DNAH6: variants seen among roughly 807,000 people sequenced by gnomAD.
The protein encoded by DNAH6 is dynein axonemal heavy chain 6.
DNAH6 carries 340 observed loss-of-function variants against 491.4 expected under a neutral mutation model. The ratio of observed to expected loss-of-function variants is 0.69; its 90% confidence interval spans 0.63 to 0.76. The LOEUF is 0.76. DNAH6 is among the 30% of genes least tolerant of loss of function. The probability of loss-of-function intolerance (pLI) is 0.00; values close to 1 mark genes in which losing one functional copy is unlikely to be tolerated. For synonymous variants in DNAH6, 1,603 were observed against 1,686.1 expected (o/e 0.95, Z 1.21); for missense variants, 4,443 against 4,972.2 (o/e 0.89, Z 3.20).
intron 29 of DNAH6, among the ~76,000 whole-genome samples, chr2:84,633,892 C>T (rs1292356268): frequency 2.0e-5 from 3 of 152,000 alleles, no homozygotes; most frequent in Non-Finnish European, 4.4e-5. Flanking sequence ...AATTTAAAAC[C>T]ACTAGTTCTA....
At chr2:84,741,898 A>G (rs1259564328) in intron 62 of DNAH6, among the ~76,000 whole-genome samples, 1 of 152,224 alleles carries the variant, frequency 6.6e-6, no homozygotes, top group African/African-American at 2.4e-5. Context: ...CCTGTAGCCA[A>G]GATCTTAAAA....
intron 52 of DNAH6, 73 bp from the exon 53 acceptor site, chr2:84,706,823 A>T (rs1696500775): frequency 2.7e-6 from 4 of 1,463,582 alleles, no homozygotes; most frequent in Middle Eastern, 4.1e-4. Flanking sequence ...AATTTTTTTT[A>T]GATCTGTATT....
intron 46 of DNAH6, 108 bp downstream of exon 46, chr2:84,694,588 T>C (rs1186865859): frequency 2.7e-6 from 2 of 728,842 alleles, no homozygotes; most frequent in African/African-American, 3.6e-5. Context: ...ATTGTTCCCT[T>C]TGATAACAGA....
At chr2:84,565,926 T>C (rs748449871) in intron 11 of DNAH6, among the ~76,000 whole-genome samples, 1 of 152,008 alleles carries the variant, frequency 6.6e-6, no homozygotes, top group Non-Finnish European at 1.5e-5. Context: ...CTGCTCTTTT[T>C]AGTTTTCCAT....
At chr2:84,638,350 A>C (rs947494415) in intron 31 of DNAH6, among the ~76,000 whole-genome samples, 4 of 152,082 alleles carry the variant, frequency 2.6e-5, no homozygotes, top group Admixed American at 2.6e-4. Flanking sequence ...TTATTGAGGT[A>C]TAATTTATAC....
chr2:84,471,578 C>T, the DNAH6 span, among the ~76,000 whole-genome samples: 6 of 152,024 alleles, frequency 3.9e-5, no homozygotes, highest in South Asian at 4.2e-4. Context: ...TGACTCTGGT[C>T]GGTCCTCATT....
chr2:84,679,023 G>A (rs1399889016), intron 41 of DNAH6, among the ~76,000 whole-genome samples: 2 of 152,074 alleles, frequency 1.3e-5, no homozygotes, highest in Non-Finnish European at 1.5e-5. Flanking sequence ...CGTCTGTCCT[G>A]TCCTTCATTA....
At chr2:84,670,607 C>A (rs1692637829) in intron 39 of DNAH6, 132 bp downstream of exon 39, 2 of 705,304 alleles carry the variant, frequency 2.8e-6, no homozygotes, top group Non-Finnish European at 2.3e-6. Flanking sequence ...TGATTCTGTT[C>A]ATGGCATTTT....
At chr2:84,607,736 C>G (rs905925800) in intron 21 of DNAH6, among the ~76,000 whole-genome samples, 1 of 152,124 alleles carries the variant, frequency 6.6e-6, no homozygotes, top group Non-Finnish European at 1.5e-5. Flanking sequence ...ATTATCTGAG[C>G]CTTCAGTGAC....
chr2:84,502,335 CCT>C, the DNAH6 span, among the ~76,000 whole-genome samples: 2 of 152,056 alleles, frequency 1.3e-5, no homozygotes, highest in Admixed American at 1.3e-4. Flanking sequence ...GTCCAAAATT[CCT>C]CCTGTTATTA....
chr2:84,600,332 G>A (rs1336221338), intron 18 of DNAH6, among the ~76,000 whole-genome samples: 4 of 152,116 alleles, frequency 2.6e-5, no homozygotes, highest in Non-Finnish European at 2.9e-5. Context: ...TATTACATTA[G>A]TATAATACAT....
chr2:84,492,394 A>C, the DNAH6 span, among the ~76,000 whole-genome samples: 1 of 152,160 alleles, frequency 6.6e-6, no homozygotes, highest in Non-Finnish European at 1.5e-5. Context: ...ACTGTCAACC[A>C]ACCCCCTTGT....
chr2:84,592,062 A>G (rs1389906102), intron 16 of DNAH6, among the ~76,000 whole-genome samples: 1 of 152,184 alleles, frequency 6.6e-6, no homozygotes, highest in African/African-American at 2.4e-5. Context: ...CCAAAAACCA[A>G]TGTAACAAAA....
rs1213868023 is a variant in DNAH6, at chr2:84,677,138, T to C, written c.6744+2T>C. 6.4e-7 allele frequency: 1 copy of C among 1,551,566 alleles called. No homozygotes were observed. The highest frequency in any genetic ancestry group is 2.0e-5 in the Admixed American group (1 of 51,002). ...CACAGTCTGAAACAGATTTTTCAGG[T>C]GAGTGTCGATTTTAACTTAGGCAAC... On this transcript the variant is annotated splice_donor_variant, in intron 41 of 76. Coordinates refer to ENST00000389394, the MANE Select transcript of DNAH6 (RefSeq NM_001370.2). LOFTEE classifies it high-confidence loss of function.
chr2:84,523,346 CTTCT>C (rs1298662434), intron 2 of DNAH6, among the ~76,000 whole-genome samples: 1 of 151,664 alleles, frequency 6.6e-6, no homozygotes, highest in African/African-American at 2.4e-5. Flanking sequence ...TTTCTCTTTC[CTTCT>C]TTATTAATCT....
Position 84,815,882 on chromosome 2 carries a change from G to A in DNAH6, c.12172G>A (p.Val4058Ile), listed in dbSNP as rs1268706296. The change falls in exon 76 of 77, where the codon GTT (valine) becomes ATT (isoleucine). Residue 4058 changes from valine to isoleucine, a missense_variant. Val to Ile is a conservative substitution (Grantham distance 29). Coordinates refer to ENST00000389394, the MANE Select transcript of DNAH6 (RefSeq NM_001370.2). The stretch of plus-strand genomic sequence containing the variant: ...TCAGTTGCCCTCTCCTGAGGATGGT[G>A]TTCTTGTTCATGGGATGTTCATGGA... ...DMELPSPEDGVLVHGMFMDAS... is the reference protein window; with the variant it reads ...DMELPSPEDGILVHGMFMDAS... 14 of 1,551,376 alleles carry A rather than the reference G, an allele frequency of 9.0e-6. No homozygotes were observed. The highest frequency in any genetic ancestry group is 1.1e-5 in the Non-Finnish European group (13 of 1,146,882).
the DNAH6 span, among the ~76,000 whole-genome samples, chr2:84,460,759 C>G: frequency 3.9e-5 from 6 of 152,176 alleles, no homozygotes; most frequent in African/African-American, 1.4e-4. Flanking sequence ...GTAATAACTG[C>G]ACCCCTGTGG....
chr2:84,669,347 A>G lies in DNAH6; in HGVS notation c.6143A>G (p.Asp2048Gly). The change falls in exon 38 of 77, where the codon GAT becomes GGT. Residue 2048 changes from aspartate to glycine, a missense_variant. Physicochemically the swap from Asp to Gly is moderately conservative, Grantham distance 94. Transcript: ENST00000389394. The part of the protein sequence containing the change: ...IHMDFDTKRL[D>G]PWERIIPTFK... ...ATGGACTTTGACACCAAACGGCTGG[A>G]TCCCTGGGAACGAATCATACCTACT... 1 of 1,548,742 alleles carries G rather than the reference A, an allele frequency of 6.5e-7. No homozygotes were observed. Among genetic ancestry groups the G allele is most frequent in the Non-Finnish European group, 8.7e-7 (1 of 1,144,164 alleles).
chr2:84,610,055 G>T (rs900115155), intron 21 of DNAH6, among the ~76,000 whole-genome samples: 1 of 152,116 alleles, frequency 6.6e-6, no homozygotes, highest in Non-Finnish European at 1.5e-5. Context: ...CAGCCAGACT[G>T]GGTTCTCATC....
Sources: allele counts gnomAD v4.1 joint callset (sites outside exome capture counted in the v4.1 genomes callset), GRCh38; gene constraint gnomAD v4.1.1; transcripts MANE v1.5; gene names NCBI Gene and HGNC (gene_info 2026-07-23, HGNC 2026-07-21).